ZNF43: variants seen among roughly 807,000 people sequenced by gnomAD.
ZNF43 encodes zinc finger protein 43, also known as zinc finger protein 39-like 1 (KOX 27).
Under a neutral mutation model 68.4 loss-of-function variants are expected in ZNF43, and 44 were observed. The observed-to-expected ratio is 0.64, with a 90% CI of 0.51 to 0.83. The LOEUF (loss-of-function observed/expected upper bound fraction) is 0.83. ZNF43 is among the 40% of genes least tolerant of loss of function. The probability of loss-of-function intolerance (pLI) is 0.00; values close to 1 mark genes in which losing one functional copy is unlikely to be tolerated. For synonymous variants in ZNF43, 308 were observed against 307.8 expected, an observed-to-expected ratio of 1.00 and a Z score of -0.01; for missense variants, 896 against 933.2, an observed-to-expected ratio of 0.96 and a Z score of 0.52.
At chr19:21,835,008 A>G (rs1350078691) in intron 1 of ZNF43, among the ~76,000 whole-genome samples, 2 of 149,984 alleles carry the variant, frequency 1.3e-5, no homozygotes, top group Non-Finnish European at 3.0e-5. Context: ...GCACTTTGGG[A>G]GGCTGAGGCG....
In ZNF43 at chr19:21,807,976, A is replaced by T; in HGVS notation, c.2061T>A (p.Phe687Leu). The change falls in exon 4 of 4, where the codon TTT becomes TTA. Residue 687 changes from phenylalanine to leucine, a missense_variant. Phe to Leu is a conservative substitution (Grantham distance 22). Coordinates refer to ENST00000354959, the MANE Select transcript of ZNF43 (RefSeq NM_003423.4). Reference protein sequence around the residue: ...PYKCEECGKAFKLSSTLSTHK... With the variant: ...PYKCEECGKALKLSSTLSTHK... ...GTGTAGAAAGGGTTGAGGACAGTTTAAAAGCTTTGCCACATTCTTCACATT... is the reference window on the plus strand; with the variant it reads ...GTGTAGAAAGGGTTGAGGACAGTTTTAAAGCTTTGCCACATTCTTCACATT... 1.2e-6 allele frequency: 2 copies of T among 1,612,728 alleles called. No individual in the cohort carries two copies. Among genetic ancestry groups the T allele is most frequent in the Non-Finnish European group, 1.7e-6 (2 of 1,179,800 alleles).
At chr19:21,830,610 TAATA>T (rs1326549761) in intron 1 of ZNF43, among the ~76,000 whole-genome samples, 1 of 138,708 alleles carries the variant, frequency 7.2e-6, no homozygotes, top group Non-Finnish European at 1.6e-5. Flanking sequence ...AATTGAAGTA[TAATA>T]AATAGCCTAG....
chr19:21,836,298 C>A (rs2038733913), upstream of ZNF43: 3 of 1,240,838 alleles, frequency 2.4e-6, no homozygotes, highest in South Asian at 4.2e-5. Context: ...CCCCCGCAAA[C>A]CCTGAATGAA....
intron 1 of ZNF43, among the ~76,000 whole-genome samples, chr19:21,825,739 G>C (rs1461278299): frequency 1.3e-5 from 2 of 152,134 alleles, no homozygotes; most frequent in African/African-American, 2.4e-5. Flanking sequence ...TTTCAGGTCT[G>C]AGGATACAAG....
chr19:21,817,298 A>AT (rs999475480), intron 3 of ZNF43, among the ~76,000 whole-genome samples: 1 of 152,028 alleles, frequency 6.6e-6, no homozygotes, highest in African/African-American at 2.4e-5. Flanking sequence ...TTCCAGTGGG[A>AT]TTTTTTTCAC....
At chr19:21,810,496 G>A (rs1333998140) in intron 3 of ZNF43, among the ~76,000 whole-genome samples, 2 of 152,120 alleles carry the variant, frequency 1.3e-5, no homozygotes, top group Non-Finnish European at 2.9e-5. Context: ...AGATTATACT[G>A]CAGCATGAGG....
intron 1 of ZNF43, among the ~76,000 whole-genome samples, chr19:21,834,243 C>T (rs2038571949): frequency 6.9e-6 from 1 of 144,604 alleles, no homozygotes; most frequent in Non-Finnish European, 1.5e-5. Context: ...GTGGCTGAAG[C>T]AAAAGAATCA....
chr19:21,829,227 G>C (rs2038306283), intron 1 of ZNF43, among the ~76,000 whole-genome samples: 1 of 150,444 alleles, frequency 6.6e-6, no homozygotes, highest in African/African-American at 2.4e-5. Flanking sequence ...CCATCACAAA[G>C]GAAAAAAAAA....
rs149604219 is a variant in ZNF43, at chr19:21,809,741, G to A, written c.296C>T (p.Ala99Val). 6.2e-5 allele frequency: 99 copies of A among 1,603,628 alleles called. No individual in the cohort carries two copies. The East Asian group carries it at 1.7e-3, about 27-fold the overall frequency. The change falls in exon 4 of 4, where the codon GCG becomes GTG. Residue 99 changes from alanine (A) to valine (V), a missense_variant. Physicochemically the swap from Ala to Val is moderately conservative, Grantham distance 64. Coordinates refer to ENST00000354959, the MANE Select transcript of ZNF43 (RefSeq NM_003423.4). ...EQHIKDPFQKATLRRYKNCEH... is the reference protein window; with the variant it reads ...EQHIKDPFQKVTLRRYKNCEH... ...ACAGTTTTTATATCTTCTCAGTGTC[G>A]CTTTTTGGAAAGGATCTTTTATATG...
At position 21,808,538 on chromosome 19, in the gene ZNF43, T is replaced by G; in HGVS notation, c.1499A>C (p.His500Pro). 1.2e-6 allele frequency: 2 copies of G among 1,613,500 alleles called. No individual in the cohort carries two copies. Among genetic ancestry groups the G allele is most frequent in the Non-Finnish European group, 1.7e-6 (2 of 1,179,834 alleles). ...TTTCTTTTCAATGTGAATTTTCTTA[T>G]GTTTAGTAAGGTTTGAGGACCGGCT... The part of the protein sequence containing the change: ...AFSRSSNLTK[H>P]KKIHIEKKPY... The change falls in exon 4 of 4, where the codon CAT (histidine) becomes CCT (proline). Residue 500 changes from histidine to proline, a missense_variant. Physicochemically the swap from His to Pro is moderately conservative, Grantham distance 77. Transcript: ENST00000354959.
At position 21,833,176 on chromosome 19, in the gene ZNF43, G is replaced by GA. The variant is rs1357604863; in HGVS notation, c.3+2859dup. Among the ~76,000 whole-genome samples, 4 of 151,960 alleles carry GA rather than the reference G, an allele frequency of 2.6e-5. No homozygotes were observed. The East Asian group carries it at 5.8e-4, about 22-fold the overall frequency. On this transcript the variant is annotated intron_variant, in intron 1 of 3. Transcript: ENST00000354959. ...AAAAGCTAAGCCTTGGAATTCTGTT[G>GA]AAAATCACCCAGCCATAAAATAAAA...
intron 1 of ZNF43, chr19:21,826,789 T>C (rs563467439): frequency 6.6e-6 from 1 of 151,048 alleles, no homozygotes; most frequent in South Asian, 2.1e-4. Context: ...TGAGCCGAGA[T>C]CGCGCCACTG....
chr19:21,851,405 G>A (rs189944594), intron 1 of ZNF43: 1 of 152,066 alleles, frequency 6.6e-6, no homozygotes, highest in Non-Finnish European at 1.5e-5. Context: ...AGCCGGGCCT[G>A]GTGGTGCGCA....
At position 21,807,668 on chromosome 19, in the gene ZNF43, TAG is replaced by T; in HGVS notation, c.2367_2368del (p.Tyr790GlnfsTer3). Reference sequence around the variant, plus strand: ...AATCACTGTCACATCTTCAGGTTTGTAGAGTTTCTCTCCAGTATGAATTTTGT... The same window carrying T: ...AATCACTGTCACATCTTCAGGTTTGTAGTTTCTCTCCAGTATGAATTTTGT... On this transcript the variant is annotated frameshift_variant, in exon 4 of 4. Coordinates refer to ENST00000354959, the MANE Select transcript of ZNF43 (RefSeq NM_003423.4). LOFTEE classifies it high-confidence loss of function. 12 of 1,597,470 alleles carry T rather than the reference TAG, an allele frequency of 7.5e-6. No homozygotes were observed. The highest frequency in any genetic ancestry group is 2.2e-5 in the East Asian group (1 of 44,614).
At chr19:21,816,880 T>C (rs1010755443) in intron 3 of ZNF43, among the ~76,000 whole-genome samples, 1 of 152,150 alleles carries the variant, frequency 6.6e-6, no homozygotes, top group Admixed American at 6.5e-5. Flanking sequence ...CCCAAGCCCC[T>C]TGTAACAAGC....
At chr19:21,852,020 G>C in exon 1 of ZNF43, 1 of 1,451,066 alleles carries the variant, frequency 6.9e-7, no homozygotes, top group Non-Finnish European at 9.3e-7. Context: ...GTTGGAGAAC[G>C]CGGAAAAGCA....
In ZNF43 at chr19:21,851,344, A is replaced by C. The variant is rs552333727; in HGVS notation, c.30+561T>G. 9 of 152,242 alleles carry C rather than the reference A, an allele frequency of 5.9e-5. No homozygotes were observed. The East Asian group carries it at 1.4e-3, about 23-fold the overall frequency. The allele number at this position is 152,242 out of a possible 1,614,324, so 9.4% of individuals were successfully genotyped here. A position where few individuals can be genotyped will look rare whatever the true frequency, so the allele number is the denominator to read the frequency against. ...GGAGTTCGAGATCAGCCTGGCCAACATGGTGAAACCCCATCTCTAGTAAAA... is the reference window on the plus strand; with the variant it reads ...GGAGTTCGAGATCAGCCTGGCCAACCTGGTGAAACCCCATCTCTAGTAAAA... On this transcript the variant is annotated intron_variant, in intron 1 of 3. Transcript: ENST00000357491.
upstream of ZNF43, among the ~76,000 whole-genome samples, chr19:21,836,359 G>A (rs931020287): frequency 1.3e-5 from 2 of 152,218 alleles, no homozygotes; most frequent in African/African-American, 4.8e-5. Context: ...AGCCTAGGCT[G>A]CCGCCTTTTC....
chr19:21,842,079 GGA>G (rs1967575122), intron 1 of ZNF43, among the ~76,000 whole-genome samples: 1 of 151,996 alleles, frequency 6.6e-6, no homozygotes, highest in Non-Finnish European at 1.5e-5. Context: ...TAGTAGGAGA[GGA>G]GAGTCACATC....
Sources: allele counts gnomAD v4.1 joint callset (sites outside exome capture counted in the v4.1 genomes callset), GRCh38; gene constraint gnomAD v4.1.1; transcripts MANE v1.5; gene names NCBI Gene and HGNC (gene_info 2026-07-23, HGNC 2026-07-21).